The following SCN8A variants were observed in gnomAD, a reference collection of about 807,000 sequenced individuals.
The protein encoded by SCN8A is sodium channel protein type 8 subunit alpha.
SCN8A carries 30 observed loss-of-function variants against 184.1 expected under a neutral mutation model. That is an observed-to-expected ratio of 0.16 (90% CI 0.12 to 0.22). The LOEUF (loss-of-function observed/expected upper bound fraction) is 0.22. Ranked by LOEUF, SCN8A falls within the 10% of genes least tolerant of loss-of-function variation. SCN8A has a pLI of 1.00. For missense variants in SCN8A, 1,057 were observed against 2,498.9 expected (o/e 0.42, Z 12.30); for synonymous variants, 852 against 907.0 (o/e 0.94, Z 1.09).
intron 12 of SCN8A, among the ~76,000 whole-genome samples, chr12:51,742,580 A>G (rs557274166): frequency 5.2e-5 from 5 of 95,242 alleles, no homozygotes; most frequent in Admixed American, 2.8e-4. Flanking sequence ...TTGGAGCTCC[A>G]TTGTATGTTT....
intron 12 of SCN8A, among the ~76,000 whole-genome samples, chr12:51,735,114 G>A (rs889356530): frequency 6.6e-6 from 1 of 152,052 alleles, no homozygotes; most frequent in Non-Finnish European, 1.5e-5. Flanking sequence ...CTCCCACAAC[G>A]AGCCCTATCA....
rs1026979833 is a variant in SCN8A, at chr12:51,807,997, A to ACAAT, written c.*571_*574dup. 8 of 167,324 alleles carry ACAAT rather than the reference A, an allele frequency of 4.8e-5. No homozygotes were observed. Among genetic ancestry groups the ACAAT allele is most frequent in the African/African-American group, 1.9e-4 (8 of 41,490 alleles). 10.4% of individuals were successfully genotyped at this position (167,324 alleles called of 1,614,324 possible). On this transcript the variant is annotated 3_prime_UTR_variant, in exon 27 of 27. Coordinates refer to ENST00000627620, the MANE Select transcript of SCN8A (RefSeq NM_001330260.2). The surrounding 1 kb of genome is among the most constrained non-coding windows in gnomAD (Gnocchi z 4.5). ...GTGGTTTGGAGATGGGTGGGGGAAAACAATCAGGTTTCTTCAGGCTGAGGA... is the reference window on the plus strand; with the variant it reads ...GTGGTTTGGAGATGGGTGGGGGAAAACAATCAATCAGGTTTCTTCAGGCTGAGGA...
intron 1 of SCN8A, among the ~76,000 whole-genome samples, chr12:51,631,749 C>T (rs1056691720): frequency 2.6e-5 from 4 of 152,202 alleles, no homozygotes; most frequent in Admixed American, 2.6e-4. Flanking sequence ...ACTTAGGATT[C>T]TGGGCCTGAC....
At chr12:51,780,561 CTTTCTTT>C (rs1937870053) in intron 20 of SCN8A, 81 bp from the exon 21 acceptor site, 2 of 457,856 alleles carry the variant, frequency 4.4e-6, no homozygotes, top group African/African-American at 2.2e-4. Flanking sequence ...CCTCTGTTTT[CTTTCTTT>C]TTTTTTTTTT....
intron 14 of SCN8A, among the ~76,000 whole-genome samples, chr12:51,761,204 A>G (rs944396567): frequency 2.9e-4 from 44 of 152,158 alleles, no homozygotes; most frequent in African/African-American, 1.0e-3. Context: ...CATCCTGCAT[A>G]TCACCTCCTA....
In SCN8A at chr12:51,690,151, TG is replaced by T. The variant is rs1438385365; in HGVS notation, c.706+1057del. 4.9e-4 allele frequency: 75 copies of T among 152,338 alleles called. 1 individual carries two copies. Among genetic ancestry groups the T allele is most frequent in the African/African-American group, 1.7e-3 (72 of 41,568 alleles). The allele number at this position is 152,338 out of a possible 1,614,324, so 9.4% of individuals were successfully genotyped here. ...AGCCTAAGATATACTGGCAGTAACT[TG>T]GCAGAGGTGAAGACTGTGTTGTTGC... On this transcript the variant is annotated intron_variant, in intron 6 of 26. Coordinates refer to ENST00000627620, the MANE Select transcript of SCN8A (RefSeq NM_001330260.2).
chr12:51,630,788 A>T (rs1592340402), intron 1 of SCN8A, among the ~76,000 whole-genome samples: 1 of 151,718 alleles, frequency 6.6e-6, no homozygotes, highest in Admixed American at 6.6e-5. Context: ...AGACTAATGA[A>T]TTTTTTTTCC....
intron 1 of SCN8A, among the ~76,000 whole-genome samples, chr12:51,639,741 C>G (rs899567318): frequency 6.6e-6 from 1 of 151,740 alleles, no homozygotes; most frequent in Non-Finnish European, 1.5e-5. Flanking sequence ...CAACCACCAC[C>G]CTGATCAGTC....
chr12:51,736,546 G>GCATTGA (rs1372784895), intron 12 of SCN8A, among the ~76,000 whole-genome samples: 18 of 152,190 alleles, frequency 1.2e-4, no homozygotes, highest in Admixed American at 2.0e-4. Context: ...GAGACCAGAG[G>GCATTGA]CATTGACATG....
intron 12 of SCN8A, among the ~76,000 whole-genome samples, chr12:51,724,324 A>G (rs1302447118): frequency 2.0e-5 from 3 of 152,100 alleles, no homozygotes; most frequent in Admixed American, 1.3e-4. Context: ...GTATGCGCCT[A>G]TAATCTCGGC....
Position 51,765,787 on chromosome 12 carries a change from C to T in SCN8A, c.2661C>T (p.Phe887=). ...NLTLVLAIIV[F]IFAVVGMQLF... ...CACTGGTGCTGGCCATTATTGTCTT[C>T]ATCTTTGCCGTGGTGGGGATGCAAC... The change falls in exon 16 of 27, where the codon TTC becomes TTT. Residue 887 remains phenylalanine, a synonymous_variant. Coordinates refer to ENST00000627620, the MANE Select transcript of SCN8A (RefSeq NM_001330260.2). 1.9e-6 allele frequency: 3 copies of T among 1,613,930 alleles called. No individual in the cohort carries two copies. Among genetic ancestry groups the T allele is most frequent in the Non-Finnish European group, 2.5e-6 (3 of 1,179,936 alleles).
intron 1 of SCN8A, among the ~76,000 whole-genome samples, chr12:51,594,275 A>T (rs1027283658): frequency 3.9e-5 from 6 of 152,158 alleles, no homozygotes; most frequent in Non-Finnish European, 8.8e-5. Flanking sequence ...AATCTCATTG[A>T]AAAGGTAATA....
chr12:51,603,023 T>A (rs1429378593), intron 1 of SCN8A, among the ~76,000 whole-genome samples: 1 of 152,244 alleles, frequency 6.6e-6, no homozygotes, highest in Non-Finnish European at 1.5e-5. Flanking sequence ...TTCTTATTTT[T>A]AAAATTTTAC....
intron 1 of SCN8A, among the ~76,000 whole-genome samples, chr12:51,652,314 G>A (rs1565874522): frequency 2.0e-5 from 3 of 151,854 alleles, no homozygotes; most frequent in African/African-American, 7.3e-5. Flanking sequence ...CTGCTGCCTG[G>A]CTTAGGCTGT....
At chr12:51,773,421 T>TGA (rs759901291) in intron 19 of SCN8A, among the ~76,000 whole-genome samples, 15 of 152,224 alleles carry the variant, frequency 9.9e-5, no homozygotes, top group Non-Finnish European at 1.8e-4. Flanking sequence ...TTTCTTCACC[T>TGA]GAGTATCTCC....
intron 2 of SCN8A, among the ~76,000 whole-genome samples, chr12:51,672,768 T>C (rs1192290887): frequency 6.6e-6 from 1 of 152,232 alleles, no homozygotes; most frequent in Non-Finnish European, 1.5e-5. Flanking sequence ...AAATTCTAGA[T>C]ATCATTTTTG....
intron 21 of SCN8A, among the ~76,000 whole-genome samples, chr12:51,785,037 C>A (rs1938045648): frequency 6.6e-6 from 1 of 152,178 alleles, no homozygotes; most frequent in South Asian, 2.1e-4. Flanking sequence ...GAATCTTTAC[C>A]TAATCTACTC....
chr12:51,731,534 A>C (rs1047215041), intron 12 of SCN8A, among the ~76,000 whole-genome samples: 1 of 151,624 alleles, frequency 6.6e-6, no homozygotes, highest in African/African-American at 2.4e-5. Context: ...TACAGGCATG[A>C]GCCACCACGC....
chr12:51,655,723 C>G (rs1940810145), intron 1 of SCN8A, among the ~76,000 whole-genome samples: 1 of 152,166 alleles, frequency 6.6e-6, no homozygotes, highest in Non-Finnish European at 1.5e-5. Flanking sequence ...GAGAGCTCTA[C>G]CCATTTGTTT....
Sources: allele counts gnomAD v4.1 joint callset (sites outside exome capture counted in the v4.1 genomes callset), GRCh38; gene constraint gnomAD v4.1.1; non-coding constraint Gnocchi (gnomAD v3.1); transcripts MANE v1.5; gene names NCBI Gene and HGNC (gene_info 2026-07-23, HGNC 2026-07-21).